Variants in TSC2 observed in about 807,000 individuals in gnomAD.
TSC2 encodes TSC complex subunit 2, also known as tuberin.
A neutral mutation model predicts 202.2 loss-of-function variants in TSC2; 29 were observed. That is an observed-to-expected ratio of 0.14 (90% confidence interval 0.11 to 0.20). The LOEUF (loss-of-function observed/expected upper bound fraction) is 0.20. Ranked by LOEUF, TSC2 falls within the 10% of genes least tolerant of loss-of-function variation. The pLI is 1.00. For synonymous variants in TSC2, 1,349 were observed against 1,044.0 expected, an observed-to-expected ratio of 1.29 and a Z score of -5.63; for missense variants, 2,429 against 2,420.0, an observed-to-expected ratio of 1.00 and a Z score of -0.08.
chr16:2,082,515 TCA>T lies in TSC2; in HGVS notation c.3883+12_3883+13del. 6.2e-7 allele frequency: 1 copy of T among 1,610,546 alleles called. No individual in the cohort carries two copies. Among genetic ancestry groups the T allele is most frequent in the Non-Finnish European group, 8.5e-7 (1 of 1,179,926 alleles). Reference sequence around the variant, plus strand: ...GCGTTTCCTGGGCAGGTATCGCCTCTCAGAGGGAAGCGGTTGGCTGCAGAGCG... The same window carrying T: ...GCGTTTCCTGGGCAGGTATCGCCTCTGAGGGAAGCGGTTGGCTGCAGAGCG... On this transcript the variant is annotated intron_variant, in intron 32 of 41. Coordinates refer to ENST00000219476, the MANE Select transcript of TSC2 (RefSeq NM_000548.5).
intron 30 of TSC2, 114 bp downstream of exon 30, chr16:2,080,491 GTTT>G (rs58192244): frequency 4.5e-6 from 5 of 1,118,360 alleles, no homozygotes; most frequent in Admixed American, 2.7e-5. Flanking sequence ...GGTAACTTTT[GTTT>G]TTTTTTTGAG....
rs2151170386 is a variant in TSC2, at chr16:2,062,964, T to C, written c.1362-8T>C. 1.9e-6 allele frequency: 3 copies of C among 1,549,688 alleles called. No individual in the cohort carries two copies. Among genetic ancestry groups the C allele is most frequent in the Non-Finnish European group, 2.6e-6 (3 of 1,146,724 alleles). ...CCCCACCCGCCCCAGCAGGCTGCCG[T>C]CCCGCAGGAGCGAGTCCCGAGGCGC... On this transcript the variant is annotated splice_region_variant and splice_polypyrimidine_tract_variant and intron_variant, in intron 13 of 41. Transcript: ENST00000219476.
At chr16:2,081,462 A>G in intron 30 of TSC2, 133 bp from the exon 31 acceptor site, 10 of 1,199,970 alleles carry the variant, frequency 8.3e-6, no homozygotes, top group Non-Finnish European at 1.2e-5. Context: ...GCTGGCTCCG[A>G]CATCGTGGTC....
intron 4 of TSC2, chr16:2,053,983 A>G (rs1015525463): frequency 1.5e-5 from 7 of 472,726 alleles, no homozygotes; most frequent in African/African-American, 1.4e-4. Context: ...GTCTCTGAGC[A>G]CAAGGCTGTC....
At chr16:2,086,641 G>T in intron 37 of TSC2, 91 bp from the exon 38 acceptor site, 3 of 1,578,766 alleles carry the variant, frequency 1.9e-6, no homozygotes, top group Non-Finnish European at 2.6e-6. Flanking sequence ...GGCCCCCAGA[G>T]CCCCTGGAGT....
At chr16:2,064,616 C>G (rs1179551831) in intron 15 of TSC2, 189 bp downstream of exon 15, 2 of 852,170 alleles carry the variant, frequency 2.3e-6, no homozygotes, top group Non-Finnish European at 3.7e-6. Context: ...TGTGTCCTGA[C>G]TGAAAGTCCT....
chr16:2,080,775 C>G, intron 30 of TSC2: 1 of 227,558 alleles, frequency 4.4e-6, no homozygotes, highest in South Asian at 6.1e-5. Context: ...TGAGCCACCG[C>G]GCCCAGCCAT....
At chr16:2,065,909 C>T (rs181386228) in intron 16 of TSC2, among the ~76,000 whole-genome samples, 2 of 152,330 alleles carry the variant, frequency 1.3e-5, no homozygotes, top group East Asian at 3.8e-4. Context: ...TGGCGCTTGC[C>T]CTCGTCACCC....
chr16:2,070,504 A>T lies in TSC2; in HGVS notation c.1765A>T (p.Met589Leu), dbSNP rs1567457356. 1.2e-6 allele frequency: 2 copies of T among 1,613,294 alleles called. No homozygotes were observed. Among genetic ancestry groups the T allele is most frequent in the African/African-American group, 2.7e-5 (2 of 74,934 alleles). The change falls in exon 17 of 42, where the codon ATG (methionine) becomes TTG (leucine). Residue 589 changes from methionine (M) to leucine (L), a missense_variant. Coordinates refer to ENST00000219476, the MANE Select transcript of TSC2 (RefSeq NM_000548.5). ...PASHATRVYEMLVSHIQLHYK... is the reference protein window; with the variant it reads ...PASHATRVYELLVSHIQLHYK... The stretch of plus-strand genomic sequence containing the variant: ...AAGCCACGCCACGCGTGTGTATGAG[A>T]TGCTGGTCAGCCACATTCAGCTCCA...
At position 2,075,719 on chromosome 16, in the gene TSC2, G is replaced by A. The variant is rs986521947; in HGVS notation, c.2546-80G>A. 2.7e-5 allele frequency: 40 copies of A among 1,476,622 alleles called. 1 individual carries two copies. Among genetic ancestry groups the A allele is most frequent in the South Asian group, 9.1e-5 (8 of 87,636 alleles). The allele number at this position is 1,476,622 out of a possible 1,614,324, so 91.5% of individuals were successfully genotyped here. ...TCCTCTGCAGCACCCCATCGCTGCC[G>A]TGGGCAGAGCAGCCGTGTTGGCCTT... On this transcript the variant is annotated intron_variant, in intron 22 of 41. Coordinates refer to ENST00000219476, the MANE Select transcript of TSC2 (RefSeq NM_000548.5).
In TSC2 at chr16:2,071,536, G is replaced by T. The variant is rs1397060903; in HGVS notation, c.1866G>T (p.Arg622=). 6.2e-7 allele frequency: 1 copy of T among 1,613,634 alleles called. No individual in the cohort carries two copies. Among genetic ancestry groups the T allele is most frequent in the Admixed American group, 1.7e-5 (1 of 60,020 alleles). ...CCTTTGACTTCCTGTTGCTGCTGCG[G>T]GCCGACTCACTGCACCGCCTGGGCC... ...LQAFDFLLLL[R]ADSLHRLGLP... is the part of the protein sequence containing the mutation. Residue 622 remains arginine (R), a synonymous_variant, in exon 18 of 42, where the codon CGG becomes CGT. Transcript: ENST00000219476.
At chr16:2,081,232 C>A (rs565908792) in intron 30 of TSC2, 1 of 376,704 alleles carries the variant, frequency 2.7e-6, no homozygotes. Flanking sequence ...GCCCAGAGCC[C>A]AGGGACAGAG....
chr16:2,079,935 C>G lies in TSC2; in HGVS notation c.3398-230C>G, dbSNP rs1023429708. Among the ~76,000 whole-genome samples, 1 of 152,230 alleles carries G rather than the reference C, an allele frequency of 6.6e-6. No individual in the cohort carries two copies. The highest frequency in any genetic ancestry group is 6.5e-5 in the Admixed American group (1 of 15,292). On this transcript the variant is annotated intron_variant, in intron 29 of 41. Transcript: ENST00000219476. The surrounding 1 kb of genome is among the most constrained non-coding windows in gnomAD (Gnocchi z 4.6). Reference sequence around the variant, plus strand: ...CTCGGCTCAGTCCTGGAGCCCTTCTCTGCTCCAGCGAGCCGTGGTCTGACT... The same window carrying G: ...CTCGGCTCAGTCCTGGAGCCCTTCTGTGCTCCAGCGAGCCGTGGTCTGACT...
Position 2,063,011 on chromosome 16 carries a change from C to T in TSC2, c.1401C>T (p.Asp467=), listed in dbSNP as rs1433989426. 13 of 1,551,344 alleles carry T rather than the reference C, an allele frequency of 8.4e-6. No individual in the cohort carries two copies. The highest frequency in any genetic ancestry group is 2.0e-5 in the Admixed American group (1 of 50,988). ...SRGAVRIKVL[D]VLSFVLLINR... Reference sequence around the variant, plus strand: ...GCGCCGTGCGCATCAAGGTGCTGGACGTGCTGTCCTTTGTGCTGCTCATCA... The same window carrying T: ...GCGCCGTGCGCATCAAGGTGCTGGATGTGCTGTCCTTTGTGCTGCTCATCA... The change falls in exon 14 of 42, where the codon GAC becomes GAT. Residue 467 remains aspartate, a synonymous_variant. Transcript: ENST00000219476.
At position 2,081,606 on chromosome 16, in the gene TSC2, T is replaced by G. The variant is rs45482795; in HGVS notation, c.3622T>G (p.Trp1208Gly). The change falls in exon 31 of 42, where the codon TGG becomes GGG. Residue 1208 changes from tryptophan to glycine, a missense_variant. By Grantham distance (184) the Trp-to-Gly change is radical. Coordinates refer to ENST00000219476, the MANE Select transcript of TSC2 (RefSeq NM_000548.5). ...TGCCGCCTCCGCAGGGAACACCAGC[T>G]GGCTGATGAGCCTGGAGAACCCGCT... is the stretch of plus-strand genomic sequence containing the variant. ...LVRRPTGNTSWLMSLENPLSP... is the reference protein window; with the variant it reads ...LVRRPTGNTSGLMSLENPLSP... The G allele has an allele frequency of 6.2e-7, 1 of 1,612,892 alleles. No individual in the cohort carries two copies. Among genetic ancestry groups the G allele is most frequent in the Non-Finnish European group, 8.5e-7 (1 of 1,180,006 alleles).
chr16:2,068,623 CT>C (rs1180471575), intron 16 of TSC2: 2 of 152,088 alleles, frequency 1.3e-5, no homozygotes, highest in Non-Finnish European at 2.9e-5. Flanking sequence ...GCCTGTAATC[CT>C]GGCAGTTTGG....
chr16:2,061,158 A>T, intron 11 of TSC2: 1 of 389,552 alleles, frequency 2.6e-6, no homozygotes, highest in Non-Finnish European at 4.9e-6. Context: ...CTTCCGCATG[A>T]CTTTGGAGGA....
In TSC2 at chr16:2,075,815, G is replaced by C. The variant is rs779606786; in HGVS notation, c.2562G>C (p.Pro854=). 2 of 1,612,790 alleles carry C rather than the reference G, an allele frequency of 1.2e-6. No individual in the cohort carries two copies. The highest frequency in any genetic ancestry group is 2.2e-5 in the East Asian group (1 of 44,872). The part of the protein sequence containing the change: ...LEFLSTLARL[P]HLYRNFAAEQ... ...TTACCGCAGCTCTGGCCAGGCTGCC[G>C]CACCTCTACAGGAACTTTGCCGCGG... is the stretch of plus-strand genomic sequence containing the variant. The change falls in exon 23 of 42, where the codon CCG becomes CCC. Residue 854 remains proline, a synonymous_variant. Coordinates refer to ENST00000219476, the MANE Select transcript of TSC2 (RefSeq NM_000548.5).
Position 2,084,642 on chromosome 16 carries a change from A to G in TSC2, c.4420A>G (p.Arg1474Gly), listed in dbSNP as rs766719443. Residue 1474 changes from arginine (R) to glycine (G), a missense_variant, in exon 34 of 42, where the codon AGA becomes GGA. Transcript: ENST00000219476. ...SDSAPSRRGK[R>G]VERDALKSRA... Reference sequence around the variant, plus strand: ...CTCGGCCCCATCACGCAGGGGCAAGAGAGTAGAGAGGGACGCCTTAAAGAG... The same window carrying G: ...CTCGGCCCCATCACGCAGGGGCAAGGGAGTAGAGAGGGACGCCTTAAAGAG... The G allele has an allele frequency of 1.9e-6, 3 of 1,599,844 alleles. No individual in the cohort carries two copies. Among genetic ancestry groups the G allele is most frequent in the South Asian group, 2.2e-5 (2 of 91,082 alleles).
Sources: allele counts gnomAD v4.1 joint callset (sites outside exome capture counted in the v4.1 genomes callset), GRCh38; gene constraint gnomAD v4.1.1; non-coding constraint Gnocchi (gnomAD v3.1); transcripts MANE v1.5; gene names NCBI Gene and HGNC (gene_info 2026-07-23, HGNC 2026-07-21).